The following RIMBP2 variants were observed in gnomAD, a reference collection of about 807,000 sequenced individuals.
RIMBP2 encodes the protein RIMS-binding protein 2.
Under a neutral mutation model 118.6 loss-of-function variants are expected in RIMBP2, and 48 were observed. The observed-to-expected ratio is 0.40, with a 90% CI of 0.32 to 0.51. RIMBP2 has a LOEUF of 0.51. RIMBP2 is among the 20% of genes least tolerant of loss of function. The probability of loss-of-function intolerance (pLI) is 0.41; values close to 1 mark genes in which losing one functional copy is unlikely to be tolerated. For missense variants in RIMBP2, 1,551 were observed against 1,768.3 expected (o/e 0.88, Z 2.20); for synonymous variants, 762 against 742.9 (o/e 1.03, Z -0.42).
intron 6 of RIMBP2, among the ~76,000 whole-genome samples, chr12:130,460,912 G>A (rs871059): frequency 0.075 from 11,468 of 152,210 alleles, 492 homozygotes; most frequent in African/African-American, 0.11. Context: ...CTGCACAGGA[G>A]ATTCCATGCC....
chr12:130,531,157 T>C (rs76778342), intron 2 of RIMBP2, among the ~76,000 whole-genome samples: 16 of 152,352 alleles, frequency 1.1e-4, no homozygotes, highest in African/African-American at 3.6e-4. Context: ...CCTTTCCAGA[T>C]GGATTTTTTC....
chr12:130,684,789 T>G (rs1436359676), intron 1 of RIMBP2, among the ~76,000 whole-genome samples: 1 of 152,224 alleles, frequency 6.6e-6, no homozygotes, highest in Non-Finnish European at 1.5e-5. Flanking sequence ...TTATCCCATA[T>G]ATATACGAGT....
At chr12:130,646,153 C>CGCTACTGCAAAAGGGAT (rs1566422407) in intron 1 of RIMBP2, among the ~76,000 whole-genome samples, 3 of 90,524 alleles carry the variant, frequency 3.3e-5, no homozygotes, top group African/African-American at 3.6e-5. Context: ...CCACCTGCCT[C>CGCTACTGCAAAAGGGAT]TCCACCTCCC....
At chr12:130,705,135 G>A (rs2066039710) in intron 1 of RIMBP2, among the ~76,000 whole-genome samples, 1 of 152,168 alleles carries the variant, frequency 6.6e-6, no homozygotes, top group African/African-American at 2.4e-5. Context: ...ACATTGCTCT[G>A]GTTCCGCCTT....
chr12:130,646,984 G>A (rs544354785), intron 1 of RIMBP2, among the ~76,000 whole-genome samples: 26 of 152,316 alleles, frequency 1.7e-4, no homozygotes, highest in Admixed American at 2.0e-4. Flanking sequence ...CAATTCTCAC[G>A]GGACAGACAT....
chr12:130,564,851 G>A (rs1160466020), intron 2 of RIMBP2, among the ~76,000 whole-genome samples: 1 of 152,158 alleles, frequency 6.6e-6, no homozygotes, highest in Non-Finnish European at 1.5e-5. Context: ...CTTAAATTGT[G>A]TTAAGAGGGT....
Position 130,424,706 on chromosome 12 carries a change from C to T in RIMBP2, c.2565G>A (p.Pro855=), listed in dbSNP as rs60225234. The T allele has an allele frequency of 1.2e-5, 15 of 1,232,046 alleles. No homozygotes were observed. The East Asian group carries it at 1.6e-4, about 13-fold the overall frequency. The allele number at this position is 1,232,046 out of a possible 1,614,324, so 76.3% of individuals were successfully genotyped here. Reference sequence around the variant, plus strand: ...CCAGCCCCGTCCTGGCCCTGGGGGACGGCCCTGCACCCTGCTTGTGTAGCA... The same window carrying T: ...CCAGCCCCGTCCTGGCCCTGGGGGATGGCCCTGCACCCTGCTTGTGTAGCA... ...CGLLHKQGAG[P]SPRARTGLAR... The change falls in exon 16 of 23, where the codon CCG becomes CCA. Residue 855 remains proline, a synonymous_variant. Coordinates refer to ENST00000690449, the MANE Select transcript of RIMBP2 (RefSeq NM_001393629.1). The surrounding 1 kb of genome is among the most constrained non-coding windows in gnomAD (Gnocchi z 9.8).
At chr12:130,470,648 C>T in intron 6 of RIMBP2, 45 bp downstream of exon 6, 1 of 1,181,302 alleles carries the variant, frequency 8.5e-7, no homozygotes. Context: ...CAACTCTCCC[C>T]AACGTCCCCC....
chr12:130,594,972 T>C (rs1020180800), intron 2 of RIMBP2, among the ~76,000 whole-genome samples: 2 of 152,146 alleles, frequency 1.3e-5, no homozygotes, highest in African/African-American at 4.8e-5. Flanking sequence ...CTGCTCACAT[T>C]TGCTAAACTT....
intron 4 of RIMBP2, among the ~76,000 whole-genome samples, chr12:130,495,351 T>C (rs750391748): frequency 7.2e-5 from 11 of 152,184 alleles, no homozygotes; most frequent in Non-Finnish European, 1.0e-4. Flanking sequence ...TGCTGCCCGT[T>C]GTCTCCTCTT....
At chr12:130,603,846 C>G (rs1336999881) in intron 2 of RIMBP2, among the ~76,000 whole-genome samples, 1 of 152,242 alleles carries the variant, frequency 6.6e-6, no homozygotes, top group Non-Finnish European at 1.5e-5. Context: ...CAAAGTACAT[C>G]ATGCTTGATA....
chr12:130,519,450 G>T (rs896313409), intron 2 of RIMBP2, among the ~76,000 whole-genome samples: 49 of 152,362 alleles, frequency 3.2e-4, no homozygotes, highest in African/African-American at 1.2e-3. Context: ...CTTAGGGAAA[G>T]TGATTGATAA....
chr12:130,639,291 A>C (rs887440912), intron 1 of RIMBP2, among the ~76,000 whole-genome samples: 1 of 151,736 alleles, frequency 6.6e-6, no homozygotes, highest in African/African-American at 2.4e-5. Flanking sequence ...CAGGAGGCTG[A>C]GGCAGGAGAA....
At chr12:130,659,146 C>CAGTGTAAA (rs2063548562) in intron 1 of RIMBP2, among the ~76,000 whole-genome samples, 1 of 152,124 alleles carries the variant, frequency 6.6e-6, no homozygotes, top group Non-Finnish European at 1.5e-5. Flanking sequence ...GTGTCAGCCA[C>CAGTGTAAA]CTGCATAACT....
intron 7 of RIMBP2, among the ~76,000 whole-genome samples, chr12:130,455,576 T>C (rs2079367408): frequency 6.6e-6 from 1 of 152,150 alleles, no homozygotes; most frequent in Non-Finnish European, 1.5e-5. Context: ...GGGAAGGGCA[T>C]GGGAAGGCGT....
At chr12:130,539,332 G>A (rs182259858) in intron 2 of RIMBP2, among the ~76,000 whole-genome samples, 1 of 152,314 alleles carries the variant, frequency 6.6e-6, no homozygotes, top group East Asian at 1.9e-4. Flanking sequence ...TGAATGGGAT[G>A]TAGGAATATG....
intron 2 of RIMBP2, among the ~76,000 whole-genome samples, chr12:130,520,381 T>C (rs1305889681): frequency 6.6e-6 from 1 of 151,970 alleles, no homozygotes; most frequent in Non-Finnish European, 1.5e-5. Context: ...CCACTTACTA[T>C]ACTGGGCACA....
intron 2 of RIMBP2, among the ~76,000 whole-genome samples, chr12:130,627,614 T>A (rs904394031): frequency 6.6e-6 from 1 of 152,116 alleles, no homozygotes; most frequent in Non-Finnish European, 1.5e-5. Context: ...TCCCCACACT[T>A]CTACTGCTCT....
chr12:130,512,947 A>G (rs1303483748), intron 3 of RIMBP2, among the ~76,000 whole-genome samples: 1 of 152,136 alleles, frequency 6.6e-6, no homozygotes, highest in Non-Finnish European at 1.5e-5. Flanking sequence ...CCAAATGTCT[A>G]TGTGTGTCAT....
Sources: allele counts gnomAD v4.1 joint callset (sites outside exome capture counted in the v4.1 genomes callset), GRCh38; gene constraint gnomAD v4.1.1; non-coding constraint Gnocchi (gnomAD v3.1); transcripts MANE v1.5; gene names NCBI Gene and HGNC (gene_info 2026-07-23, HGNC 2026-07-21).